The following KCTD1 variants were observed in gnomAD, a reference collection of about 807,000 sequenced individuals.
KCTD1 encodes the protein BTB/POZ domain-containing protein KCTD1.
A neutral mutation model predicts 66.0 loss-of-function variants in KCTD1; 24 were observed. That is an observed-to-expected ratio of 0.36 (90% CI 0.26 to 0.51). KCTD1 has a LOEUF of 0.51. KCTD1 is among the 20% of genes least tolerant of loss of function. The pLI is 0.95. For missense variants in KCTD1, 943 were observed against 1,205.2 expected, an observed-to-expected ratio of 0.78 and a Z score of 3.22; for synonymous variants, 511 against 517.2, an observed-to-expected ratio of 0.99 and a Z score of 0.16.
chr18:26,487,937 C>A (rs1321407158), intron 2 of KCTD1, among the ~76,000 whole-genome samples: 1 of 152,208 alleles, frequency 6.6e-6, no homozygotes, highest in East Asian at 1.9e-4. Context: ...TGATCATGTA[C>A]AGGCATTGAA....
chr18:26,630,691 C>T (rs1987600194), upstream of KCTD1, among the ~76,000 whole-genome samples: 1 of 152,206 alleles, frequency 6.6e-6, no homozygotes, highest in Admixed American at 6.5e-5. Context: ...AGTATTTTTG[C>T]TGCACACTGT....
intron 1 of KCTD1, among the ~76,000 whole-genome samples, chr18:26,614,378 A>G (rs992528120): frequency 6.6e-6 from 1 of 152,272 alleles, no homozygotes; most frequent in Admixed American, 6.5e-5. Flanking sequence ...GAAAAAATCC[A>G]TGACTATGCT....
intron 2 of KCTD1, among the ~76,000 whole-genome samples, chr18:26,484,166 G>C (rs937163905): frequency 6.6e-6 from 1 of 152,116 alleles, no homozygotes; most frequent in Admixed American, 6.6e-5. Context: ...AGCTCTTTAA[G>C]ATTTCCAGAC....
intron 1 of KCTD1, among the ~76,000 whole-genome samples, chr18:26,584,668 GA>G (rs1402249777): frequency 2.0e-5 from 3 of 152,154 alleles, no homozygotes; most frequent in Non-Finnish European, 4.4e-5. Flanking sequence ...AGAGGAATAT[GA>G]GAAGTGCTGA....
At chr18:26,619,694 G>A (rs761315389) in intron 1 of KCTD1, among the ~76,000 whole-genome samples, 1 of 152,144 alleles carries the variant, frequency 6.6e-6, no homozygotes, top group African/African-American at 2.4e-5. Flanking sequence ...CCGGCAGTGC[G>A]GGCTTGTAAA....
chr18:26,489,417 T>C (rs1254650111), intron 2 of KCTD1, among the ~76,000 whole-genome samples: 3 of 152,176 alleles, frequency 2.0e-5, no homozygotes, highest in African/African-American at 7.2e-5. Context: ...ATACTACTCA[T>C]AGGAAGTTTG....
chr18:26,571,979 C>A (rs1286189874), intron 1 of KCTD1, among the ~76,000 whole-genome samples: 1 of 151,302 alleles, frequency 6.6e-6, no homozygotes, highest in Admixed American at 6.6e-5. Flanking sequence ...GTACATGATA[C>A]TTAATTCTGT....
At chr18:26,597,657 TG>T (rs1986797174) in intron 1 of KCTD1, among the ~76,000 whole-genome samples, 1 of 113,738 alleles carries the variant, frequency 8.8e-6, no homozygotes, top group Non-Finnish European at 1.8e-5. Flanking sequence ...GAGGTCTTGG[TG>T]TTTTTTTTTT....
At chr18:26,517,954 A>C (rs908156013) in intron 1 of KCTD1, among the ~76,000 whole-genome samples, 1 of 152,216 alleles carries the variant, frequency 6.6e-6, no homozygotes, top group African/African-American at 2.4e-5. Flanking sequence ...GGTCCCCCCA[A>C]GTCCCCCAAC....
chr18:26,578,627 C>T (rs1986284187), intron 1 of KCTD1, among the ~76,000 whole-genome samples: 2 of 152,182 alleles, frequency 1.3e-5, no homozygotes, highest in African/African-American at 4.8e-5. Flanking sequence ...AGACTCTGGG[C>T]TCTAACCCAT....
upstream of KCTD1, chr18:26,549,808 G>C (rs565804526): frequency 2.0e-4 from 202 of 985,458 alleles, no homozygotes; most frequent in African/African-American, 1.3e-3. Context: ...CTCGGAAACT[G>C]GAAAAGCAGC....
intron 1 of KCTD1, among the ~76,000 whole-genome samples, chr18:26,574,989 G>T (rs569535314): frequency 3.3e-5 from 5 of 152,182 alleles, no homozygotes; most frequent in African/African-American, 1.2e-4. Flanking sequence ...ACGAACCATG[G>T]AGGAAATCTG....
intron 1 of KCTD1, among the ~76,000 whole-genome samples, chr18:26,584,122 A>T (rs1458215983): frequency 2.0e-5 from 3 of 152,168 alleles, no homozygotes; most frequent in African/African-American, 7.2e-5. Flanking sequence ...CAGGGTTCTG[A>T]GGCAATATTG....
At chr18:26,650,100 C>T (rs922294090) in intron 1 of KCTD1, among the ~76,000 whole-genome samples, 4 of 152,160 alleles carry the variant, frequency 2.6e-5, no homozygotes, top group Non-Finnish European at 1.5e-5. Context: ...AAAGGCAAAA[C>T]AGGACCATCT....
At chr18:26,653,417 A>G (rs1598986317) in intron 1 of KCTD1, among the ~76,000 whole-genome samples, 1 of 152,044 alleles carries the variant, frequency 6.6e-6, no homozygotes, top group East Asian at 1.9e-4. Flanking sequence ...GGCACTTCTG[A>G]CCCTGGTCCA....
intron 1 of KCTD1, among the ~76,000 whole-genome samples, chr18:26,577,693 C>A (rs1040114491): frequency 2.6e-5 from 4 of 152,052 alleles, no homozygotes; most frequent in Middle Eastern, 3.2e-3. Flanking sequence ...CTACGGGAGT[C>A]CAACACCATG....
At chr18:26,484,548 C>T (rs112509731) in intron 2 of KCTD1, among the ~76,000 whole-genome samples, 117 of 152,192 alleles carry the variant, frequency 7.7e-4, no homozygotes, top group African/African-American at 2.7e-3. Context: ...CCCCTGACTT[C>T]GGTTAGAAAA....
chr18:26,584,852 A>G (rs1010215878), intron 1 of KCTD1, among the ~76,000 whole-genome samples: 3 of 152,128 alleles, frequency 2.0e-5, no homozygotes, highest in Non-Finnish European at 4.4e-5. Flanking sequence ...AAAAAGGGAT[A>G]CGAAAGGAAG....
intron 1 of KCTD1, among the ~76,000 whole-genome samples, chr18:26,589,551 G>T: frequency 6.6e-6 from 1 of 152,146 alleles, no homozygotes; most frequent in East Asian, 1.9e-4. Context: ...AACTTGAAAA[G>T]GGTTATCAAA....
Sources: allele counts gnomAD v4.1 joint callset (sites outside exome capture counted in the v4.1 genomes callset), GRCh38; gene constraint gnomAD v4.1.1; transcripts MANE v1.5; gene names NCBI Gene and HGNC (gene_info 2026-07-23, HGNC 2026-07-21).